The following EHMT1 variants were observed in gnomAD, a reference collection of about 807,000 sequenced individuals.
EHMT1 encodes histone-lysine N-methyltransferase EHMT1.
A neutral mutation model predicts 147.2 loss-of-function variants in EHMT1; 15 were observed. The ratio of observed to expected loss-of-function variants is 0.10; its 90% CI spans 0.07 to 0.16. The LOEUF is 0.16. EHMT1 is among the 10% of genes least tolerant of loss of function. The pLI is 1.00. For missense variants in EHMT1, 1,587 were observed against 1,772.4 expected (o/e 0.90, Z 1.88); for synonymous variants, 795 against 709.6 (o/e 1.12, Z -1.91).
chr9:137,683,655 A>G (rs1230294815), intron 1 of EHMT1, among the ~76,000 whole-genome samples: 1 of 152,208 alleles, frequency 6.6e-6, no homozygotes, highest in African/African-American at 2.4e-5. Context: ...GTAGTATCTC[A>G]TTTATATAAT....
In EHMT1 at chr9:137,782,693, GC is replaced by G. The variant is rs2136903431; in HGVS notation, c.2382+298del. On this transcript the variant is annotated intron_variant, in intron 15 of 26. Coordinates refer to ENST00000460843, the MANE Select transcript of EHMT1 (RefSeq NM_024757.5). The surrounding 1 kb of genome is among the most constrained non-coding windows in gnomAD (Gnocchi z 5.7). ...ACACTCATGACGTCCCTCTGGGGGA[GC>G]CAAGCACTCGCAGAGGCACGGACGC... Among the ~76,000 whole-genome samples, 1 of 152,294 alleles carries G rather than the reference GC, an allele frequency of 6.6e-6. No individual in the cohort carries two copies. Among genetic ancestry groups the G allele is most frequent in the African/African-American group, 2.4e-5 (1 of 41,570 alleles).
intron 1 of EHMT1, among the ~76,000 whole-genome samples, chr9:137,684,291 C>T (rs550827261): frequency 6.6e-6 from 1 of 152,152 alleles, no homozygotes; most frequent in East Asian, 1.9e-4. Flanking sequence ...CCTTGGCCTC[C>T]CAAAGTGCTG....
chr9:137,699,646 G>A (rs1943673673), intron 1 of EHMT1, among the ~76,000 whole-genome samples: 1 of 150,938 alleles, frequency 6.6e-6, no homozygotes, highest in African/African-American at 2.5e-5. Flanking sequence ...CTGCATTCCA[G>A]CCTGGGTGAC....
At position 137,834,354 on chromosome 9, in the gene EHMT1, G is replaced by C; in HGVS notation, c.3546G>C (p.Gly1182=). Residue 1182 remains glycine, a synonymous_variant, in exon 26 of 27, where the codon GGG becomes GGC. Transcript: ENST00000460843. ...GCCGGCTTCTCGCCCTGCAGGACGGGGAGGTTTACTGCATCGACGCGCGGT... is the reference window on the plus strand; with the variant it reads ...GCCGGCTTCTCGCCCTGCAGGACGGCGAGGTTTACTGCATCGACGCGCGGT... ...SYLFDLDNKD[G]EVYCIDARFY... is the part of the protein sequence containing the mutation. 1 of 1,613,058 alleles carries C rather than the reference G, an allele frequency of 6.2e-7. No individual in the cohort carries two copies. Among genetic ancestry groups the C allele is most frequent in the Non-Finnish European group, 8.5e-7 (1 of 1,179,762 alleles).
intron 1 of EHMT1, among the ~76,000 whole-genome samples, chr9:137,693,142 G>C (rs1173926304): frequency 1.3e-5 from 2 of 152,134 alleles, no homozygotes; most frequent in East Asian, 3.9e-4. Context: ...AGGGGAGATG[G>C]GCTGAGGGCC....
chr9:137,619,352 A>G (rs1177688826), intron 1 of EHMT1, among the ~76,000 whole-genome samples: 1 of 148,556 alleles, frequency 6.7e-6, no homozygotes, highest in African/African-American at 2.5e-5. Context: ...CGCGCCCCCC[A>G]CGGACCCCGT....
At chr9:137,814,904 G>A (rs899263078) in intron 22 of EHMT1, 7 of 366,496 alleles carry the variant, frequency 1.9e-5, no homozygotes, top group African/African-American at 6.3e-5. Flanking sequence ...GGGAGCATCA[G>A]TGTGGGCGCT....
chr9:137,830,136 G>C (rs1013443665), intron 25 of EHMT1, among the ~76,000 whole-genome samples: 15 of 147,472 alleles, frequency 1.0e-4, no homozygotes, highest in African/African-American at 3.6e-4. Context: ...ATGTGTGTTT[G>C]ATCAGTTATA....
At chr9:137,796,761 G>A (rs939867595) in intron 16 of EHMT1, among the ~76,000 whole-genome samples, 2 of 142,968 alleles carry the variant, frequency 1.4e-5, no homozygotes, top group Non-Finnish European at 3.0e-5. Flanking sequence ...GAACATAAAC[G>A]TGCAGTTCCC....
intron 4 of EHMT1, among the ~76,000 whole-genome samples, chr9:137,741,654 A>T (rs1948093657): frequency 6.6e-6 from 1 of 152,122 alleles, no homozygotes; most frequent in South Asian, 2.1e-4. Flanking sequence ...TGGCTCCAGG[A>T]CCCCATCCCC....
intron 15 of EHMT1, among the ~76,000 whole-genome samples, chr9:137,789,498 T>C (rs1180140303): frequency 6.6e-6 from 1 of 152,198 alleles, no homozygotes; most frequent in African/African-American, 2.4e-5. Context: ...CGTTAAAAAT[T>C]AGCTGTCGTA....
chr9:137,816,521 A>G (rs1056251867), intron 23 of EHMT1: 4 of 272,208 alleles, frequency 1.5e-5, no homozygotes, highest in African/African-American at 8.8e-5. Context: ...GTTGCTCAGG[A>G]CGCTCATGGA....
chr9:137,757,730 C>T, intron 8 of EHMT1, 150 bp from the exon 9 acceptor site: 7 of 1,167,086 alleles, frequency 6.0e-6, no homozygotes, highest in South Asian at 1.3e-5. Context: ...CTGGAATGGT[C>T]TAAACCATAG....
chr9:137,811,179 T>C (rs1644112608), intron 18 of EHMT1, among the ~76,000 whole-genome samples: 1 of 152,164 alleles, frequency 6.6e-6, no homozygotes, highest in Non-Finnish European at 1.5e-5. Context: ...GGATGACCTT[T>C]TCCCTATTTT....
chr9:137,710,974 C>T lies in EHMT1; in HGVS notation c.29C>T (p.Pro10Leu), dbSNP rs550666951. The change falls in exon 2 of 27, where the codon CCG becomes CTG. Residue 10 changes from proline to leucine, a missense_variant. By Grantham distance (98) the Pro-to-Leu change is moderately conservative. This residue lies in a region of EHMT1 where 810 missense variants were observed against 673.0 expected (regional missense o/e 1.20). Transcript: ENST00000460843. ...GTTGTTTCTCTCTAACAGGCAGTTC[C>T]GGCGAGGGGGGAGCCTCAGCAGGAT... MAAADAEAV[P>L]ARGEPQQDCC... 16 of 1,597,450 alleles carry T rather than the reference C, an allele frequency of 1.0e-5. No individual in the cohort carries two copies. The highest frequency in any genetic ancestry group is 1.2e-5 in the Non-Finnish European group (14 of 1,172,700).
intron 1 of EHMT1, among the ~76,000 whole-genome samples, chr9:137,642,113 T>C (rs770254071): frequency 3.9e-5 from 6 of 152,210 alleles, no homozygotes; most frequent in South Asian, 2.1e-4. Flanking sequence ...GTGCTGGGAT[T>C]ACAGGTGTGA....
Position 137,619,046 on chromosome 9 carries a change from C to T in EHMT1, c.18C>T (p.Ala6=), listed in dbSNP as rs1588999893. 1.0e-6 allele frequency: 1 copy of T among 954,976 alleles called. No homozygotes were observed. Among genetic ancestry groups the T allele is most frequent in the South Asian group, 4.7e-5 (1 of 21,500 alleles). 59.2% of individuals were successfully genotyped at this position (954,976 alleles called of 1,614,324 possible). The change falls in exon 1 of 27, where the codon GCC becomes GCT. Residue 6 remains alanine, a synonymous_variant. Transcript: ENST00000460843. ...CCCGGGCCATGGCCGCCGCCGATGC[C>T]GAGGTGAGCAGCGGGGCCGGCGGGG... is the stretch of plus-strand genomic sequence containing the variant. The part of the protein sequence containing the change: MAAAD[A]EAVPARGEPQ...
chr9:137,768,525 T>C (rs1432216627), intron 10 of EHMT1, among the ~76,000 whole-genome samples: 18 of 126,704 alleles, frequency 1.4e-4, no homozygotes, highest in Admixed American at 1.3e-3. Flanking sequence ...GGCTAATTTT[T>C]TGTATTTTTT....
intron 1 of EHMT1, among the ~76,000 whole-genome samples, chr9:137,653,517 T>G (rs1324535506): frequency 6.6e-6 from 1 of 152,048 alleles, no homozygotes; most frequent in Non-Finnish European, 1.5e-5. Flanking sequence ...ACTAAGGGCT[T>G]GATTTTCTCT....
Sources: allele counts gnomAD v4.1 joint callset (sites outside exome capture counted in the v4.1 genomes callset), GRCh38; gene constraint gnomAD v4.1.1; regional missense constraint gnomAD v4.1.1; non-coding constraint Gnocchi (gnomAD v3.1); transcripts MANE v1.5; gene names NCBI Gene and HGNC (gene_info 2026-07-23, HGNC 2026-07-21).